The following JAK1 variants were observed in gnomAD, a reference collection of about 807,000 sequenced individuals.
JAK1 encodes tyrosine-protein kinase JAK1.
Under a neutral mutation model 136.6 loss-of-function variants are expected in JAK1, and 16 were observed. That is an observed-to-expected ratio of 0.12 (90% CI 0.08 to 0.18). The LOEUF is 0.18. Among genes scored for constraint, JAK1 ranks in the 10% least tolerant of loss-of-function variants. JAK1 has a pLI of 1.00. For synonymous variants in JAK1, 492 were observed against 519.5 expected, an observed-to-expected ratio of 0.95 and a Z score of 0.72; for missense variants, 859 against 1,450.1, an observed-to-expected ratio of 0.59 and a Z score of 6.62.
intron 2 of JAK1, among the ~76,000 whole-genome samples, chr1:65,016,432 G>A (rs1646892581): frequency 6.6e-6 from 1 of 152,204 alleles, no homozygotes. Flanking sequence ...GACCAGCTTG[G>A]GCAACATAGT....
At chr1:64,871,354 C>A (rs899455715) in intron 5 of JAK1, among the ~76,000 whole-genome samples, 3 of 152,146 alleles carry the variant, frequency 2.0e-5, no homozygotes, top group African/African-American at 7.2e-5. Context: ...ACAGGACCAC[C>A]TACGTATGCA....
At chr1:65,050,629 G>A (rs963151931) in intron 1 of JAK1, among the ~76,000 whole-genome samples, 2 of 152,118 alleles carry the variant, frequency 1.3e-5, no homozygotes, top group Non-Finnish European at 2.9e-5. Context: ...TTTAAGTGAT[G>A]GCATGATCAA....
chr1:64,936,621 C>A (rs1645793725), intron 1 of JAK1, among the ~76,000 whole-genome samples: 1 of 152,180 alleles, frequency 6.6e-6, no homozygotes, highest in South Asian at 2.1e-4. Context: ...AACAGCACAG[C>A]CCTGTGACCA....
At chr1:65,045,523 G>A (rs937040260) in intron 1 of JAK1, among the ~76,000 whole-genome samples, 33 of 152,124 alleles carry the variant, frequency 2.2e-4, no homozygotes, top group Non-Finnish European at 4.4e-5. Context: ...ATGAAATCAT[G>A]GTGGCTCTGG....
At chr1:64,878,599 A>C (rs1324889286) in intron 4 of JAK1, among the ~76,000 whole-genome samples, 2 of 109,576 alleles carry the variant, frequency 1.8e-5, no homozygotes, top group South Asian at 2.8e-4. Context: ...ATATATATAT[A>C]TATATATCTC....
At position 64,878,556 on chromosome 1, in the gene JAK1, A is replaced by AGTGT. The variant is rs1368449732; in HGVS notation, c.329+465_329+468dup. Among the ~76,000 whole-genome samples, 69 of 109,280 alleles carry AGTGT rather than the reference A, an allele frequency of 6.3e-4. 1 individual carries two copies. Among genetic ancestry groups the AGTGT allele is most frequent in the South Asian group, 1.3e-3 (4 of 3,190 alleles). The allele number at this position is 109,280 out of a possible 152,430, so 71.7% of individuals were successfully genotyped here. ...TTTATATCATGACCTTTATATATAT[A>AGTGT]GTGTGTATATATATATATATATATA... On this transcript the variant is annotated intron_variant, in intron 4 of 24. Transcript: ENST00000342505.
chr1:65,048,009 A>G (rs2100851471), intron 1 of JAK1, among the ~76,000 whole-genome samples: 1 of 152,320 alleles, frequency 6.6e-6, no homozygotes, highest in East Asian at 1.9e-4. Flanking sequence ...ACGGACCTAC[A>G]GTTAAGTGCA....
intron 4 of JAK1, chr1:64,876,584 ACCCT>A (rs993871837): frequency 1.3e-5 from 2 of 152,098 alleles, no homozygotes; most frequent in African/African-American, 4.8e-5. Flanking sequence ...CAGAATCAGT[ACCCT>A]CCCTATCACC....
intron 2 of JAK1, among the ~76,000 whole-genome samples, chr1:65,001,840 G>C (rs1646761356): frequency 6.6e-6 from 1 of 151,908 alleles, no homozygotes; most frequent in South Asian, 2.1e-4. Context: ...GGTGATGCAG[G>C]TAAGTGATTT....
At chr1:65,011,336 T>C (rs1184526631) in intron 2 of JAK1, among the ~76,000 whole-genome samples, 2 of 151,528 alleles carry the variant, frequency 1.3e-5, no homozygotes, top group East Asian at 3.9e-4. Flanking sequence ...ATAAGCTGGG[T>C]GTGGTAGTGC....
At chr1:64,999,655 A>C (rs1271650578) in intron 2 of JAK1, among the ~76,000 whole-genome samples, 1 of 151,898 alleles carries the variant, frequency 6.6e-6, no homozygotes, top group East Asian at 1.9e-4. Flanking sequence ...GGATCACTTA[A>C]GCCAGGGAGG....
chr1:64,872,417 G>C (rs1657127104), intron 5 of JAK1, among the ~76,000 whole-genome samples: 2 of 152,060 alleles, frequency 1.3e-5, no homozygotes, highest in African/African-American at 4.8e-5. Flanking sequence ...GACCTTCTCT[G>C]ATCATATGAT....
chr1:65,058,106 G>C (rs1647630607), intron 1 of JAK1, among the ~76,000 whole-genome samples: 1 of 151,736 alleles, frequency 6.6e-6, no homozygotes, highest in African/African-American at 2.4e-5. Context: ...GTTCTAATTA[G>C]GTTACCTTTC....
chr1:64,979,159 G>A (rs1276781308), intron 2 of JAK1, among the ~76,000 whole-genome samples: 2 of 152,208 alleles, frequency 1.3e-5, no homozygotes, highest in African/African-American at 2.4e-5. Flanking sequence ...ACTTTGGGAG[G>A]CCAAGGCAGG....
At chr1:64,857,974 G>A (rs1656048423) in intron 9 of JAK1, among the ~76,000 whole-genome samples, 195 bp from the exon 10 acceptor site, 1 of 152,192 alleles carries the variant, frequency 6.6e-6, no homozygotes, top group South Asian at 2.1e-4. Context: ...AGGACCGATG[G>A]AGTCTCCAAG....
At chr1:64,845,100 G>A (rs900799314) in intron 15 of JAK1, among the ~76,000 whole-genome samples, 6 of 152,126 alleles carry the variant, frequency 3.9e-5, no homozygotes, top group Non-Finnish European at 8.8e-5. Context: ...ATAGTGGCAC[G>A]TATCTCATTG....
chr1:65,031,139 G>A (rs1400518507), intron 2 of JAK1, among the ~76,000 whole-genome samples: 1 of 136,300 alleles, frequency 7.3e-6, no homozygotes, highest in African/African-American at 2.8e-5. Flanking sequence ...AGGCAACAGA[G>A]TGAGAGACCC....
At chr1:65,057,853 TA>T (rs756800198) in intron 1 of JAK1, 4 of 154,682 alleles carry the variant, frequency 2.6e-5, no homozygotes, top group African/African-American at 4.8e-5. Context: ...AGGCATTCAG[TA>T]AATATTCTTT....
At chr1:65,024,671 AAAAAAAAAAGAAAG>A (rs1277628663) in intron 2 of JAK1, among the ~76,000 whole-genome samples, 1 of 151,086 alleles carries the variant, frequency 6.6e-6, no homozygotes, top group African/African-American at 2.4e-5. Flanking sequence ...AAAAAAAAAA[AAAAAAAAAAGAAAG>A]AAAAAAAAAG....
Sources: gnomAD v4.1 joint callset for allele counts (sites outside exome capture counted in the v4.1 genomes callset) on GRCh38, gnomAD v4.1.1 for gene constraint, MANE v1.5 for transcripts, NCBI Gene and HGNC (gene_info 2026-07-23, HGNC 2026-07-21) for gene names.